Variants in RARB observed in about 807,000 individuals in gnomAD.
RARB encodes retinoic acid receptor beta.
A neutral mutation model predicts 51.9 loss-of-function variants in RARB; 17 were observed. The ratio of observed to expected loss-of-function variants is 0.33; its 90% CI spans 0.22 to 0.49. The LOEUF (loss-of-function observed/expected upper bound fraction) is 0.49, where lower values mean the gene tolerates loss of function less well. Among genes scored for constraint, RARB ranks in the 20% least tolerant of loss-of-function variants. The probability of loss-of-function intolerance (pLI) is 0.99; values close to 1 mark genes in which losing one functional copy is unlikely to be tolerated. For synonymous variants in RARB, 215 were observed against 195.4 expected (o/e 1.10, Z -0.84); for missense variants, 369 against 550.8 (o/e 0.67, Z 3.30).
intron 2 of RARB, among the ~76,000 whole-genome samples, chr3:25,471,913 C>G (rs753821726): frequency 1.4e-4 from 21 of 152,130 alleles, no homozygotes; most frequent in South Asian, 6.2e-4. Flanking sequence ...TCTGGAAAGG[C>G]TTTCCTTCTT....
chr3:25,234,921 A>G (rs986873797), intron 5 of RARB, among the ~76,000 whole-genome samples: 4 of 152,114 alleles, frequency 2.6e-5, no homozygotes, highest in Admixed American at 6.6e-5. Context: ...CACCACATCA[A>G]CACGATTTTA....
At chr3:25,501,737 T>A (rs1697325303) in intron 3 of RARB, among the ~76,000 whole-genome samples, 1 of 152,178 alleles carries the variant, frequency 6.6e-6, no homozygotes, top group African/African-American at 2.4e-5. Context: ...TTTGCCCTTT[T>A]TTAGGAGGGA....
At chr3:24,848,779 TAG>T (rs1434958961) in intron 1 of RARB, among the ~76,000 whole-genome samples, 1 of 152,228 alleles carries the variant, frequency 6.6e-6, no homozygotes. Context: ...CACGATGTCC[TAG>T]AGAGTTACTT....
intron 2 of RARB, among the ~76,000 whole-genome samples, chr3:25,045,457 G>GGCT (rs1439769693): frequency 1.3e-5 from 2 of 152,136 alleles, no homozygotes; most frequent in African/African-American, 4.8e-5. Context: ...CTCCCTTCCT[G>GGCT]ACATTCAAAG....
intron 5 of RARB, among the ~76,000 whole-genome samples, chr3:25,294,761 C>A (rs532502519): frequency 5.5e-4 from 81 of 148,110 alleles, no homozygotes; most frequent in Non-Finnish European, 6.1e-4. Context: ...TATTCGTGGC[C>A]TCCCAGTCTT....
intron 3 of RARB, among the ~76,000 whole-genome samples, chr3:25,117,175 A>G (rs1699702209): frequency 6.6e-6 from 1 of 152,184 alleles, no homozygotes; most frequent in Admixed American, 6.6e-5. Flanking sequence ...CCCGCGTCCT[A>G]CAGCATGGCA....
At chr3:25,085,401 A>G (rs1023422564) in intron 3 of RARB, among the ~76,000 whole-genome samples, 1 of 152,110 alleles carries the variant, frequency 6.6e-6, no homozygotes, top group African/African-American at 2.4e-5. Context: ...TGAATAACTC[A>G]TTCTTCAAAG....
intron 2 of RARB, among the ~76,000 whole-genome samples, chr3:25,059,914 G>C (rs1439330244): frequency 6.6e-6 from 1 of 151,754 alleles, no homozygotes; most frequent in Non-Finnish European, 1.5e-5. Context: ...GATAGAATCT[G>C]AAAAAAGTGA....
chr3:25,324,590 C>A, intron 5 of RARB: 1 of 167,534 alleles, frequency 6.0e-6, no homozygotes, highest in South Asian at 1.8e-4. Flanking sequence ...ACGCGGAAGT[C>A]AAGAACGACC....
rs71087718 is a variant in RARB, at chr3:25,482,521, ATTTTTTTTTTTTTTTTTTT to A, written c.307-18643_307-18625del. ...TAACTTTAAATTTTCTAGCAGCCAAATTTTTTTTTTTTTTTTTTTTTTTTTTTTTTTTTTTTGAGACGGA... is the reference window on the plus strand; with the variant it reads ...TAACTTTAAATTTTCTAGCAGCCAAATTTTTTTTTTTTTTTTTGAGACGGA... On this transcript the variant is annotated intron_variant, in intron 2 of 7. Coordinates refer to ENST00000330688, the MANE Select transcript of RARB (RefSeq NM_000965.5). Among the ~76,000 whole-genome samples, 8 of 65,790 alleles carry A rather than the reference ATTTTTTTTTTTTTTTTTTT, an allele frequency of 1.2e-4. No individual in the cohort carries two copies. The Admixed American group carries it at 1.3e-3, about 11-fold the overall frequency. The allele number at this position is 65,790 out of a possible 152,430, so 43.2% of individuals were successfully genotyped here. A position where few individuals can be genotyped will look rare whatever the true frequency, so the allele number is the denominator to read the frequency against.
chr3:24,981,177 C>CGGA (rs1696662205), intron 2 of RARB, among the ~76,000 whole-genome samples: 3 of 152,156 alleles, frequency 2.0e-5, no homozygotes, highest in Non-Finnish European at 4.4e-5. Flanking sequence ...TATGAGGTGT[C>CGGA]CGTCAGCCCC....
intron 2 of RARB, among the ~76,000 whole-genome samples, chr3:24,914,181 C>G (rs1695059513): frequency 1.3e-5 from 2 of 152,312 alleles, no homozygotes; most frequent in Non-Finnish European, 1.5e-5. Flanking sequence ...GCTCAGGGAT[C>G]TGAGACACAA....
At chr3:24,920,341 A>T (rs1024211930) in intron 2 of RARB, among the ~76,000 whole-genome samples, 1 of 152,206 alleles carries the variant, frequency 6.6e-6, no homozygotes, top group Non-Finnish European at 1.5e-5. Flanking sequence ...TGGTATTGCA[A>T]CCAGCTCAGA....
rs950130043 is a variant in RARB, at chr3:25,111,569, C to T, written c.-327-20592C>T. On this transcript the variant is annotated intron_variant, in intron 3 of 11. Coordinates refer to the RARB transcript ENST00000383772. ...TTAAGTCTCCTAGCTAAATGATCTCCGTTTCTAACAGTGGTTTTTTTTTTT... is the reference window on the plus strand; with the variant it reads ...TTAAGTCTCCTAGCTAAATGATCTCTGTTTCTAACAGTGGTTTTTTTTTTT... Among the ~76,000 whole-genome samples the T allele has an allele frequency of 9.5e-5, 14 of 146,692 alleles. No individual in the cohort carries two copies. In the East Asian group the frequency reaches 1.0e-3, roughly 11 times the overall value.
At position 25,501,287 on chromosome 3, in the gene RARB, C is replaced by A; in HGVS notation, c.412C>A (p.Leu138Ile). The A allele has an allele frequency of 6.2e-7, 1 of 1,610,214 alleles. No homozygotes were observed. Among genetic ancestry groups the A allele is most frequent in the Non-Finnish European group, 8.5e-7 (1 of 1,179,004 alleles). The change falls in exon 3 of 8, where the codon CTC (leucine) becomes ATC (isoleucine). Residue 138 changes from leucine (L) to isoleucine (I), a missense_variant. Around this residue, in one of 9 missense-constraint regions of RARB, gnomAD observed 9 missense variants for 33.1 expected, o/e 0.27. Transcript: ENST00000330688. ...VTRNRCQYCRLQKCFEVGMSK... is the reference protein window; with the variant it reads ...VTRNRCQYCRIQKCFEVGMSK... Reference sequence around the variant, plus strand: ...CAGGAATCGATGCCAATACTGTCGACTCCAGAAGTGCTTTGAAGTGGGAAT... The same window carrying A: ...CAGGAATCGATGCCAATACTGTCGAATCCAGAAGTGCTTTGAAGTGGGAAT...
At chr3:25,565,501 T>C (rs943953928) in intron 3 of RARB, among the ~76,000 whole-genome samples, 3 of 152,192 alleles carry the variant, frequency 2.0e-5, no homozygotes, top group African/African-American at 7.2e-5. Context: ...TCTGCTACCA[T>C]AAGTTTTTGC....
At chr3:25,094,960 C>G (rs1699268271) in intron 3 of RARB, among the ~76,000 whole-genome samples, 1 of 151,998 alleles carries the variant, frequency 6.6e-6, no homozygotes, top group African/African-American at 2.4e-5. Flanking sequence ...AAAAGGTAAA[C>G]AAATAGTTAC....
chr3:24,913,041 C>G (rs958534264), intron 2 of RARB, among the ~76,000 whole-genome samples: 1 of 126,424 alleles, frequency 7.9e-6, no homozygotes, highest in Non-Finnish European at 1.6e-5. Context: ...AGTGCAGTGG[C>G]GCCTTCTCGG....
intron 2 of RARB, among the ~76,000 whole-genome samples, chr3:24,899,255 C>G (rs1437109762): frequency 6.6e-6 from 1 of 152,128 alleles, no homozygotes; most frequent in Non-Finnish European, 1.5e-5. Flanking sequence ...CCGCACAGAT[C>G]ACACGTACAT....
Sources: gnomAD v4.1 joint callset for allele counts (sites outside exome capture counted in the v4.1 genomes callset) on GRCh38, gnomAD v4.1.1 for gene constraint, gnomAD v4.1.1 regional missense constraint, MANE v1.5 for transcripts, NCBI Gene and HGNC (gene_info 2026-07-23, HGNC 2026-07-21) for gene names.